Variants in VIPR1 observed in about 807,000 individuals in gnomAD.
VIPR1 encodes vasoactive intestinal peptide receptor 1.
VIPR1 carries 59 observed loss-of-function variants against 58.8 expected under a neutral mutation model. The ratio of observed to expected loss-of-function variants is 1.00; its 90% CI spans 0.81 to 1.25. The LOEUF is 1.25. VIPR1 is among the 50% of genes most tolerant of loss of function. The pLI is 0.00. For missense variants in VIPR1, 626 were observed against 602.7 expected (o/e 1.04, Z -0.40); for synonymous variants, 251 against 242.1 (o/e 1.04, Z -0.34).
intron 1 of VIPR1, among the ~76,000 whole-genome samples, chr3:42,490,929 T>A (rs1321592450): frequency 6.6e-6 from 1 of 151,340 alleles, no homozygotes; most frequent in Non-Finnish European, 1.5e-5. Flanking sequence ...AGAAGAGAGG[T>A]GAAGGATTGT....
intron 1 of VIPR1, among the ~76,000 whole-genome samples, chr3:42,495,497 A>T (rs1049372271): frequency 6.6e-6 from 1 of 152,170 alleles, no homozygotes; most frequent in Non-Finnish European, 1.5e-5. Context: ...TGTGGTTGGC[A>T]GAATTCTAAG....
intron 3 of VIPR1, among the ~76,000 whole-genome samples, chr3:42,522,101 A>ATTTT (rs1158302778): frequency 1.1e-4 from 4 of 35,364 alleles, no homozygotes; most frequent in African/African-American, 4.3e-4. Flanking sequence ...ATATATATAT[A>ATTTT]TTTTTTTTTT....
Position 42,535,084 on chromosome 3 carries a change from C to T in VIPR1, c.1120C>T (p.Leu374Phe), listed in dbSNP as rs151090209. ...GCCTGAAGTGAAGATGGTCTTTGAGCTCGTCGTGGGGTCTTTCCAGGTATG... is the reference window on the plus strand; with the variant it reads ...GCCTGAAGTGAAGATGGTCTTTGAGTTCGTCGTGGGGTCTTTCCAGGTATG... ...FKPEVKMVFELVVGSFQGFVV... is the reference protein window; with the variant it reads ...FKPEVKMVFEFVVGSFQGFVV... The change falls in exon 11 of 13, where the codon CTC becomes TTC. Residue 374 changes from leucine (L) to phenylalanine (F), a missense_variant. Leu to Phe is a conservative substitution (Grantham distance 22). Coordinates refer to ENST00000325123, the MANE Select transcript of VIPR1 (RefSeq NM_004624.4). The T allele has an allele frequency of 1.2e-6, 2 of 1,614,122 alleles. No individual in the cohort carries two copies. Among genetic ancestry groups the T allele is most frequent in the Non-Finnish European group, 8.5e-7 (1 of 1,180,044 alleles).
intron 12 of VIPR1, 36 bp downstream of exon 12, chr3:42,535,420 G>T: frequency 6.2e-7 from 1 of 1,606,932 alleles, no homozygotes; most frequent in Non-Finnish European, 8.5e-7. Flanking sequence ...TTAGGCAATG[G>T]AACTCCCAGG....
intron 1 of VIPR1, chr3:42,513,449 G>A (rs757492069): frequency 2.4e-4 from 83 of 344,582 alleles, no homozygotes; most frequent in Non-Finnish European, 3.9e-4. Flanking sequence ...CCTCTAAGGG[G>A]AGGCCCTCTT....
rs1164947477 is a variant in VIPR1 at position 42,531,384 on chromosome 3, C to A, written c.791-87C>A. ...CCCTTTTCTCTCTCCCTCCCTCTCCCTGCTTTTCTCCAAAATCTCTCCCTC... is the reference window on the plus strand; with the variant it reads ...CCCTTTTCTCTCTCCCTCCCTCTCCATGCTTTTCTCCAAAATCTCTCCCTC... On this transcript the variant is annotated intron_variant, in intron 7 of 12. Coordinates refer to ENST00000325123, the MANE Select transcript of VIPR1 (RefSeq NM_004624.4). 4.9e-6 allele frequency: 7 copies of A among 1,416,364 alleles called. No individual in the cohort carries two copies. The South Asian group carries it at 6.2e-5, about 12-fold the overall frequency. The allele number at this position is 1,416,364 out of a possible 1,614,324, so 87.7% of individuals were successfully genotyped here. A position where few individuals can be genotyped will look rare whatever the true frequency, so the allele number is the denominator to read the frequency against.
chr3:42,529,534 C>T (rs1284551443), intron 6 of VIPR1: 1 of 151,696 alleles, frequency 6.6e-6, no homozygotes, highest in African/African-American at 2.4e-5. Context: ...GCAAGAACTC[C>T]TGTAACTGGA....
Position 42,536,379 on chromosome 3 carries a change from C to G in VIPR1, c.*98C>G. 1 of 1,342,920 alleles carries G rather than the reference C, an allele frequency of 7.4e-7. No individual in the cohort carries two copies. The highest frequency in any genetic ancestry group is 9.8e-7 in the Non-Finnish European group (1 of 1,024,578). The allele number at this position is 1,342,920 out of a possible 1,614,324, so 83.2% of individuals were successfully genotyped here. The stretch of plus-strand genomic sequence containing the variant: ...GAGGCCTGCCCGGGCGCGGCCAGCC[C>G]CGGCCCTGGGCTCGGAGGCTGCCCC... On this transcript the variant is annotated 3_prime_UTR_variant, in exon 13 of 13. Transcript: ENST00000325123.
At chr3:42,500,766 A>G (rs1209718633), upstream of VIPR1, among the ~76,000 whole-genome samples, 1 of 152,128 alleles carries the variant, frequency 6.6e-6, no homozygotes, top group Non-Finnish European at 1.5e-5. Context: ...AGCTGAGGAG[A>G]TGGCTGAGGA....
intron 1 of VIPR1, chr3:42,513,084 C>A: frequency 2.0e-6 from 1 of 512,458 alleles, no homozygotes; most frequent in Non-Finnish European, 2.5e-6. Context: ...TGGTGGGATC[C>A]TAGAGGGGCT....
chr3:42,532,418 C>G (rs1021109137), intron 10 of VIPR1, 85 bp downstream of exon 10: 17 of 1,374,882 alleles, frequency 1.2e-5, no homozygotes, highest in Middle Eastern at 3.5e-4. Flanking sequence ...GTCCTCCCAC[C>G]CCAAACATCC....
intron 2 of VIPR1, among the ~76,000 whole-genome samples, chr3:42,517,556 G>T (rs1435886294): frequency 6.6e-6 from 1 of 152,210 alleles, no homozygotes; most frequent in Admixed American, 6.5e-5. Flanking sequence ...CACTGGCCAG[G>T]CTCTGCAAGG....
At chr3:42,526,769 G>A (rs541309078) in intron 4 of VIPR1, among the ~76,000 whole-genome samples, 20 of 152,240 alleles carry the variant, frequency 1.3e-4, no homozygotes, top group East Asian at 7.7e-4. Flanking sequence ...AGTGGCTGTC[G>A]TGCTGCACTG....
chr3:42,495,229 C>A (rs1195799397), intron 1 of VIPR1, among the ~76,000 whole-genome samples: 2 of 152,084 alleles, frequency 1.3e-5, no homozygotes, highest in Non-Finnish European at 2.9e-5. Context: ...TCAAGCGATT[C>A]TCCTGCCTCA....
Position 42,536,242 on chromosome 3 carries a change from C to A in VIPR1, c.1335C>A (p.Arg445=). Residue 445 remains arginine, a synonymous_variant, in exon 13 of 13, where the codon CGC becomes CGA. Transcript: ENST00000325123. Reference sequence around the variant, plus strand: ...TGACCCGCGTCAGCCCAGGTGCCCGCCGCTCCTCCAGCTTCCAAGCCGAAG... The same window carrying A: ...TGACCCGCGTCAGCCCAGGTGCCCGACGCTCCTCCAGCTTCCAAGCCGAAG... ...SMLTRVSPGA[R]RSSSFQAEVS... The A allele has an allele frequency of 6.3e-7, 1 of 1,585,842 alleles. No individual in the cohort carries two copies.
chr3:42,513,565 C>A, intron 1 of VIPR1, 184 bp from the exon 2 acceptor site: 1 of 594,130 alleles, frequency 1.7e-6, no homozygotes, highest in Non-Finnish European at 2.9e-6. Context: ...GGGGCCGACC[C>A]AGGTTTGGGG....
chr3:42,518,167 G>A (rs1258779597), intron 2 of VIPR1, among the ~76,000 whole-genome samples: 1 of 151,982 alleles, frequency 6.6e-6, no homozygotes, highest in East Asian at 1.9e-4. Flanking sequence ...AAAGTACCAT[G>A]TACATATTCA....
At chr3:42,501,269 C>T (rs11920996), upstream of VIPR1, among the ~76,000 whole-genome samples, 4,141 of 152,190 alleles carry the variant, frequency 0.027, 90 homozygotes, top group Middle Eastern at 0.054. This position sits in a 1 kb window ranked among gnomAD's most constrained non-coding sequence, Gnocchi z 4.8. Context: ...CCCATGGCAG[C>T]ATCCCAACGT....
intron 3 of VIPR1, among the ~76,000 whole-genome samples, chr3:42,523,786 C>T (rs1400176277): frequency 1.3e-5 from 2 of 152,158 alleles, no homozygotes; most frequent in African/African-American, 4.8e-5. Flanking sequence ...TCCAGTGTCC[C>T]AGCTTCAAGG....
Sources: allele counts gnomAD v4.1 joint callset (sites outside exome capture counted in the v4.1 genomes callset), GRCh38; gene constraint gnomAD v4.1.1; non-coding constraint Gnocchi (gnomAD v3.1); transcripts MANE v1.5; gene names NCBI Gene and HGNC (gene_info 2026-07-23, HGNC 2026-07-21).